The following RENBP variants were observed in gnomAD, a reference collection of about 807,000 sequenced individuals.
RENBP encodes the protein renin binding protein, also known as N-acylglucosamine 2-epimerase.
Under a neutral mutation model 37.8 loss-of-function variants are expected in RENBP, and 16 were observed. The observed-to-expected ratio is 0.42, with a 90% CI of 0.29 to 0.64. RENBP has a LOEUF of 0.64. RENBP is among the 30% of genes least tolerant of loss of function. RENBP has a pLI of 0.19. For synonymous variants in RENBP, 170 were observed against 154.8 expected (o/e 1.10, Z -0.73); for missense variants, 347 against 379.5 (o/e 0.91, Z 0.71).
Position 153,942,081 on chromosome X carries a change from C to G in RENBP, c.688-50G>C, listed in dbSNP as rs369341771. On this transcript the variant is annotated intron_variant, in intron 6 of 10. Coordinates refer to ENST00000393700, the MANE Select transcript of RENBP (RefSeq NM_002910.6). ...TGTTGCCTCCAGCCCTTTCACCCAC[C>G]CAGCCACCCAACTAGAAAGACCCAG... is the stretch of plus-strand genomic sequence containing the variant. The G allele has an allele frequency of 6.1e-4, 614 of 1,000,864 alleles. 2 individuals carry two copies. Among genetic ancestry groups the G allele is most frequent in the Non-Finnish European group, 8.3e-4 (587 of 709,651 alleles). The allele number at this position is 1,000,864 out of a possible 1,213,427, so 82.5% of individuals were successfully genotyped here. A position where few individuals can be genotyped will look rare whatever the true frequency, so the allele number is the denominator to read the frequency against.
chrX:153,940,192 G>A lies in RENBP; in HGVS notation c.987C>T (p.Ala329=). The change falls in exon 9 of 11, where the codon GCC becomes GCT. Residue 329 remains alanine (A), a synonymous_variant. Transcript: ENST00000393700. ...TGTAACCCATGAGGAAGGCAATCAT[G>A]GCTTCACTGTGTGGCCACCAGAGCT... ...AMKLWWPHSE[A]MIAFLMGYSD... The A allele has an allele frequency of 8.3e-7, 1 of 1,211,064 alleles. No homozygotes were observed. Among genetic ancestry groups the A allele is most frequent in the Non-Finnish European group, 1.1e-6 (1 of 895,182 alleles).
chrX:153,935,823 T>C (rs1212774656), intron 9 of RENBP, among the ~76,000 whole-genome samples: 1 of 112,931 alleles, frequency 8.9e-6, no homozygotes, highest in Non-Finnish European at 1.9e-5. Context: ...AACTCTGCCC[T>C]GGGGTGTAGA....
intron 9 of RENBP, among the ~76,000 whole-genome samples, chrX:153,937,667 C>T (rs2065209396): frequency 9.3e-6 from 1 of 107,952 alleles, no homozygotes. Flanking sequence ...CTCCTGTTGC[C>T]CAGGCTGGAG....
chrX:153,941,972 G>A lies in RENBP; in HGVS notation c.747C>T (p.Cys249=), dbSNP rs781902187. 1.1e-6 allele frequency: 1 copy of A among 939,292 alleles called. No homozygotes were observed. The highest frequency in any genetic ancestry group is 1.9e-5 in the South Asian group (1 of 52,836). 77.4% of individuals were successfully genotyped at this position (939,292 alleles called of 1,213,427 possible). Residue 249 remains cysteine, a synonymous_variant, in exon 7 of 11, where the codon TGC becomes TGT. Coordinates refer to ENST00000393700, the MANE Select transcript of RENBP (RefSeq NM_002910.6). ...VSEGGKELPG[C]LGRQQNPGHT... is the part of the protein sequence containing the mutation. ...CACCTGGGTTCTGCTGTCTCCCCAG[G>A]CAGCCAGGAAGTTCCTTGCCACCCT...
chrX:153,940,256 C>A lies in RENBP; in HGVS notation c.946-23G>T, dbSNP rs201077521. The A allele has an allele frequency of 1.7e-4, 210 of 1,207,113 alleles. No individual in the cohort carries two copies. In the African/African-American group the frequency reaches 3.5e-3, roughly 20 times the overall value. ...CAGCTGAGGGGAGAGCAGGGGCAGG[C>A]ATCTCAGCAGGAAACTCCCCTCCGC... is the stretch of plus-strand genomic sequence containing the variant. On this transcript the variant is annotated intron_variant, in intron 8 of 10. Coordinates refer to ENST00000393700, the MANE Select transcript of RENBP (RefSeq NM_002910.6).
chrX:153,942,313 T>C, intron 6 of RENBP: 1 of 217,574 alleles, frequency 4.6e-6, no homozygotes. Flanking sequence ...CTCGACTCAC[T>C]ACAATCTCCA....
intron 8 of RENBP, 85 bp downstream of exon 8, chrX:153,941,393 G>C: frequency 9.8e-7 from 1 of 1,025,004 alleles, no homozygotes; most frequent in South Asian, 2.1e-5. Context: ...CCAGCCCCAG[G>C]TTACCCTCTA....
chrX:153,941,732 G>T, intron 7 of RENBP, 79 bp from the exon 8 acceptor site: 1 of 832,834 alleles, frequency 1.2e-6, no homozygotes, highest in Non-Finnish European at 1.7e-6. Flanking sequence ...AAAAGCCCCT[G>T]GCACCTCTCT....
chrX:153,941,743 G>A, intron 7 of RENBP, 90 bp from the exon 8 acceptor site: 1 of 799,234 alleles, frequency 1.3e-6, no homozygotes, highest in Non-Finnish European at 1.8e-6. Flanking sequence ...GCACCTCTCT[G>A]CTCCCTCCCT....
chrX:153,938,069 G>A (rs2065210912), intron 9 of RENBP, among the ~76,000 whole-genome samples: 1 of 112,521 alleles, frequency 8.9e-6, no homozygotes, highest in Non-Finnish European at 1.9e-5. Flanking sequence ...ATTGTTTAAT[G>A]TCATCTATAT....
intron 8 of RENBP, among the ~76,000 whole-genome samples, chrX:153,941,266 C>T (rs782142710): frequency 8.1e-5 from 9 of 111,198 alleles, no homozygotes; most frequent in Non-Finnish European, 1.3e-4. Context: ...ATTGCGGACT[C>T]GCCCTGAATT....
chrX:153,939,924 A>G (rs1417935698), intron 9 of RENBP, among the ~76,000 whole-genome samples, 178 bp downstream of exon 9: 2 of 108,914 alleles, frequency 1.8e-5, no homozygotes, highest in Non-Finnish European at 3.8e-5. Flanking sequence ...CCACCACCAA[A>G]ATTCGAGCTC....
Position 153,943,638 on chromosome X carries a change from G to A in RENBP, c.370C>T (p.Pro124Ser). ...AAGATGGTTCGCTGCACCTTGACCG[G>A]GCGGCCGTCCCGAGTCAGCACAAAG... is the stretch of plus-strand genomic sequence containing the variant. ...CAFVLTRDGRPVKVQRTIFSE... is the reference protein window; with the variant it reads ...CAFVLTRDGRSVKVQRTIFSE... Residue 124 changes from proline (P) to serine (S), a missense_variant, in exon 5 of 11, where the codon CCG becomes TCG. Pro to Ser is a moderately conservative substitution (Grantham distance 74). Coordinates refer to ENST00000393700, the MANE Select transcript of RENBP (RefSeq NM_002910.6). The A allele has an allele frequency of 8.3e-7, 1 of 1,211,504 alleles. No individual in the cohort carries two copies. Among genetic ancestry groups the A allele is most frequent in the Non-Finnish European group, 1.1e-6 (1 of 895,433 alleles).
intron 9 of RENBP, among the ~76,000 whole-genome samples, chrX:153,938,529 T>C (rs2065212355): frequency 9.0e-6 from 1 of 111,696 alleles, no homozygotes; most frequent in African/African-American, 3.3e-5. Flanking sequence ...ACCCAGGCCT[T>C]GCCACCACTG....
chrX:153,940,323 T>G (rs1288296162), intron 8 of RENBP, 90 bp from the exon 9 acceptor site: 37 of 1,078,091 alleles, frequency 3.4e-5, no homozygotes, highest in Non-Finnish European at 4.4e-5. Context: ...CCCAAGCTAC[T>G]GGAGGTGAAT....
At chrX:153,941,715 AG>A (rs2065227472) in intron 7 of RENBP, 62 bp from the exon 8 acceptor site, 1 of 769,762 alleles carries the variant, frequency 1.3e-6, no homozygotes, top group Non-Finnish European at 1.9e-6. Context: ...GAGGGAACAG[AG>A]GGAGCAAAAG....
Position 153,943,981 on chromosome X carries a change from C to T in RENBP, c.214-11G>A, listed in dbSNP as rs782050130. 7 of 1,204,586 alleles carry T rather than the reference C, an allele frequency of 5.8e-6. No individual in the cohort carries two copies. The Admixed American group carries it at 8.8e-5, about 15-fold the overall frequency. On this transcript the variant is annotated splice_polypyrimidine_tract_variant and intron_variant, in intron 3 of 10. Transcript: ENST00000393700. Reference sequence around the variant, plus strand: ...ACAATACATCCATACCTGCGGGGTACGGGAGGGAAAGTGGCTTAAGTGGCC... The same window carrying T: ...ACAATACATCCATACCTGCGGGGTATGGGAGGGAAAGTGGCTTAAGTGGCC...
In RENBP at chrX:153,943,935, C is replaced by T; in HGVS notation, c.249G>A (p.Glu83=). Residue 83 remains glutamate (E), a synonymous_variant, in exon 4 of 11, where the codon GAG becomes GAA. Coordinates refer to ENST00000393700, the MANE Select transcript of RENBP (RefSeq NM_002910.6). ...WMYCRLYRTF[E]RFRHAQLLDA... ...CCAGAAGCTGAGCATGGCGGAAGCG[C>T]TCGAAAGTGCGGTACAGGCGACAAT... 1 of 1,188,812 alleles carries T rather than the reference C, an allele frequency of 8.4e-7. No homozygotes were observed. Among genetic ancestry groups the T allele is most frequent in the African/African-American group, 1.7e-5 (1 of 57,292 alleles).
At chrX:153,941,925 G>GCCGGCCCC in intron 7 of RENBP, 25 bp downstream of exon 7, 8 of 708,472 alleles carry the variant, frequency 1.1e-5, no homozygotes, top group East Asian at 3.2e-5. Flanking sequence ...CTCCTGGGTG[G>GCCGGCCCC]CCCCCAGCCC....
Sources: gnomAD v4.1 joint callset for allele counts (sites outside exome capture counted in the v4.1 genomes callset) on GRCh38, gnomAD v4.1.1 for gene constraint, MANE v1.5 for transcripts, NCBI Gene and HGNC (gene_info 2026-07-23, HGNC 2026-07-21) for gene names.